Variants in INSL6 observed in about 807,000 individuals in gnomAD.
The protein encoded by INSL6 is insulin like 6, also known as insulin-like peptide INSL6.
Under a neutral mutation model 9.4 loss-of-function variants are expected in INSL6, and 16 were observed. The observed-to-expected ratio is 1.70, with a 90% CI of 1.15 to 2.59. The LOEUF (loss-of-function observed/expected upper bound fraction) is 2.59. Among genes scored for constraint, INSL6 ranks in the 30% most tolerant of loss-of-function variants. INSL6 has a pLI of 0.00. For missense variants in INSL6, 391 were observed against 257.3 expected, an observed-to-expected ratio of 1.52 and a Z score of -3.56; for synonymous variants, 154 against 96.9, an observed-to-expected ratio of 1.59 and a Z score of -3.46.
At position 5,131,716 on chromosome 9, in the gene INSL6, A is replaced by T. The variant is rs1288514322; in HGVS notation, c.*10+1709T>A. On this transcript the variant is annotated intron_variant, in intron 3 of 3. Coordinates refer to the INSL6 transcript ENST00000649639. ...CAACCTCCCAAAGTGCTGGGATTAC[A>T]GGCATGAGGCACTGCGCCCGGCCCA... Among the ~76,000 whole-genome samples the T allele has an allele frequency of 5.3e-5, 8 of 152,264 alleles. No homozygotes were observed. The East Asian group carries it at 1.5e-3, about 29-fold the overall frequency.
chr9:5,167,887 T>G (rs1194994915), intron 1 of INSL6, among the ~76,000 whole-genome samples: 1 of 152,304 alleles, frequency 6.6e-6, no homozygotes, highest in Non-Finnish European at 1.5e-5. Context: ...CCATCTTTGC[T>G]GGTCTGCAGC....
the INSL6 span, chr9:5,066,725 G>A: frequency 6.2e-7 from 1 of 1,609,064 alleles, no homozygotes; most frequent in Non-Finnish European, 8.5e-7. Flanking sequence ...AATCAGACTG[G>A]ACTGTATGTA....
chr9:4,992,380 G>A, the INSL6 span, among the ~76,000 whole-genome samples: 1 of 152,180 alleles, frequency 6.6e-6, no homozygotes, highest in African/African-American at 2.4e-5. Flanking sequence ...ATGTCCTACT[G>A]GTTGTAAGGG....
the INSL6 span, among the ~76,000 whole-genome samples, chr9:5,106,969 A>G: frequency 6.6e-6 from 1 of 152,188 alleles, no homozygotes; most frequent in South Asian, 2.1e-4. Flanking sequence ...AACATGGCAC[A>G]TGTATATCTA....
At chr9:5,140,480 G>A (rs747955635) in intron 2 of INSL6, among the ~76,000 whole-genome samples, 6 of 151,936 alleles carry the variant, frequency 3.9e-5, no homozygotes, top group Non-Finnish European at 5.9e-5. Context: ...CCATAATTTT[G>A]TGTTGTGATT....
the INSL6 span, among the ~76,000 whole-genome samples, chr9:5,040,526 G>T: frequency 6.6e-6 from 1 of 152,176 alleles, no homozygotes; most frequent in Non-Finnish European, 1.5e-5. Flanking sequence ...ACCCACAAAT[G>T]GGTTCCACAA....
chr9:5,043,917 T>G, the INSL6 span, among the ~76,000 whole-genome samples: 25 of 152,296 alleles, frequency 1.6e-4, no homozygotes, highest in Admixed American at 6.5e-4. Context: ...AACATTGAAT[T>G]TTACACTTTA....
chr9:5,171,622 T>C (rs1017053006), intron 1 of INSL6, among the ~76,000 whole-genome samples: 5 of 152,210 alleles, frequency 3.3e-5, no homozygotes, highest in African/African-American at 1.2e-4. Flanking sequence ...CTTCTTAAGC[T>C]GATAAGCAAA....
At chr9:5,101,479 C>G in the INSL6 span, among the ~76,000 whole-genome samples, 1 of 152,268 alleles carries the variant, frequency 6.6e-6, no homozygotes, top group African/African-American at 2.4e-5. Flanking sequence ...GCAGCAGAAA[C>G]TTCTGCAGAC....
chr9:5,054,545 G>A, the INSL6 span: 1 of 1,537,544 alleles, frequency 6.5e-7, no homozygotes, highest in Non-Finnish European at 8.8e-7. The surrounding 1 kb of genome is among the most constrained non-coding windows in gnomAD (Gnocchi z 4.9). Flanking sequence ...TTTTCTGTAT[G>A]TGCTTTTTTA....
At chr9:5,069,265 T>G in the INSL6 span, 3 of 1,171,404 alleles carry the variant, frequency 2.6e-6, no homozygotes, top group African/African-American at 3.1e-5. Flanking sequence ...TTATGTGGCG[T>G]GAAGTATCTT....
At chr9:5,157,554 A>G (rs11794973) in intron 2 of INSL6, among the ~76,000 whole-genome samples, 1 of 152,168 alleles carries the variant, frequency 6.6e-6, no homozygotes, top group African/African-American at 2.4e-5. Flanking sequence ...TTCCATTTTC[A>G]CCACACAGAA....
chr9:5,180,068 G>C (rs62543572), intron 1 of INSL6, among the ~76,000 whole-genome samples: 32,964 of 152,184 alleles, frequency 0.22, 4,498 homozygotes, highest in South Asian at 0.3. Context: ...TGGGAAGTCA[G>C]GGACCCTGAA....
chr9:5,096,433 A>G, the INSL6 span, among the ~76,000 whole-genome samples: 37,473 of 152,018 alleles, frequency 0.25, 5,009 homozygotes, highest in South Asian at 0.3. Flanking sequence ...ATTCAAACCC[A>G]CAAAAATTTA....
At chr9:5,125,264 A>G (rs1823900447) in intron 3 of INSL6, among the ~76,000 whole-genome samples, 1 of 151,004 alleles carries the variant, frequency 6.6e-6, no homozygotes. Context: ...ATATAAATAT[A>G]TATTATTTTA....
At chr9:5,126,972 C>A in intron 3 of INSL6, 1 of 370,804 alleles carries the variant, frequency 2.7e-6, no homozygotes, top group African/African-American at 2.1e-5. Context: ...CATGAGGCCA[C>A]CAGTAAAAGA....
At chr9:5,049,499 A>G in the INSL6 span, among the ~76,000 whole-genome samples, 22 of 152,172 alleles carry the variant, frequency 1.4e-4, no homozygotes, top group African/African-American at 3.4e-4. Context: ...TGAAGTTTCA[A>G]ATCTTCCATG....
Position 5,173,596 on chromosome 9 carries a change from A to G in INSL6, c.290-9331T>C, listed in dbSNP as rs149496505. On this transcript the variant is annotated intron_variant, in intron 1 of 1. Transcript: ENST00000381641. ...AACATGGGGAAGCAAAAAACACACAATGGGGCCTGTCAGAGGGTGGGGTTG... is the reference window on the plus strand; with the variant it reads ...AACATGGGGAAGCAAAAAACACACAGTGGGGCCTGTCAGAGGGTGGGGTTG... Among the ~76,000 whole-genome samples, 230 of 149,836 alleles carry G rather than the reference A, an allele frequency of 1.5e-3. 1 individual carries two copies. Among genetic ancestry groups the G allele is most frequent in the African/African-American group, 5.0e-3 (207 of 41,118 alleles).
chr9:5,041,982 G>T, the INSL6 span: 1 of 365,992 alleles, frequency 2.7e-6, no homozygotes. Flanking sequence ...GAGCGAGCTT[G>T]TGTGAGGGCC....
Sources: allele counts gnomAD v4.1 joint callset (sites outside exome capture counted in the v4.1 genomes callset), GRCh38; gene constraint gnomAD v4.1.1; non-coding constraint Gnocchi (gnomAD v3.1); transcripts MANE v1.5; gene names NCBI Gene and HGNC (gene_info 2026-07-23, HGNC 2026-07-21).